AGBL4: variants seen among roughly 807,000 people sequenced by gnomAD.
AGBL4 encodes the protein cytosolic carboxypeptidase 6.
AGBL4 carries 58 observed loss-of-function variants against 66.4 expected under a neutral mutation model. The ratio of observed to expected loss-of-function variants is 0.87; its 90% CI spans 0.71 to 1.09. The LOEUF (loss-of-function observed/expected upper bound fraction) is 1.09, where lower values mean the gene tolerates loss of function less well. Ranked by LOEUF, AGBL4 falls within the 50% of genes least tolerant of loss-of-function variation. AGBL4 has a pLI of 0.00. For missense variants in AGBL4, 579 were observed against 631.0 expected, an observed-to-expected ratio of 0.92 and a Z score of 0.88; for synonymous variants, 234 against 222.9, an observed-to-expected ratio of 1.05 and a Z score of -0.44.
intron 6 of AGBL4, among the ~76,000 whole-genome samples, chr1:48,688,899 G>C (rs1401907510): frequency 6.6e-6 from 1 of 151,954 alleles, no homozygotes; most frequent in African/African-American, 2.4e-5. Flanking sequence ...CAGTTGCAGG[G>C]AGCAGGATCA....
chr1:49,516,007 G>T (rs1215324778), intron 3 of AGBL4, among the ~76,000 whole-genome samples: 1 of 150,652 alleles, frequency 6.6e-6, no homozygotes, highest in Non-Finnish European at 1.5e-5. Flanking sequence ...CCTGCACGTT[G>T]TGCACATGTA....
chr1:49,918,988 G>T (rs1651894696), intron 1 of AGBL4, among the ~76,000 whole-genome samples: 6 of 152,098 alleles, frequency 3.9e-5, no homozygotes. Flanking sequence ...AAAACCACAT[G>T]ATTATCTCAA....
chr1:48,540,897 A>T (rs2354469), intron 11 of AGBL4, among the ~76,000 whole-genome samples: 1 of 151,470 alleles, frequency 6.6e-6, no homozygotes, highest in Non-Finnish European at 1.5e-5. Flanking sequence ...TCCATTTTCT[A>T]CCGTGCAGCC....
intron 5 of AGBL4, among the ~76,000 whole-genome samples, chr1:48,905,747 G>A (rs1189455814): frequency 6.6e-6 from 1 of 152,130 alleles, no homozygotes; most frequent in Non-Finnish European, 1.5e-5. Context: ...GGTGATGAAT[G>A]TACCTTTGGT....
chr1:49,100,034 A>C (rs1217653426), intron 4 of AGBL4, among the ~76,000 whole-genome samples: 1 of 152,140 alleles, frequency 6.6e-6, no homozygotes, highest in Admixed American at 6.6e-5. Context: ...AACTGGGTAC[A>C]ACTTGAGGGA....
chr1:49,463,988 T>C (rs1009284503), intron 3 of AGBL4, among the ~76,000 whole-genome samples: 11 of 151,596 alleles, frequency 7.3e-5, no homozygotes, highest in African/African-American at 2.7e-4. Context: ...GCCTAATAGG[T>C]CCACAATAAA....
intron 1 of AGBL4, among the ~76,000 whole-genome samples, chr1:49,908,689 A>T (rs1650517560): frequency 6.6e-6 from 1 of 152,018 alleles, no homozygotes; most frequent in East Asian, 2.0e-4. Context: ...GCTACTTGGG[A>T]GGCTAATGTG....
intron 3 of AGBL4, among the ~76,000 whole-genome samples, chr1:49,283,331 T>C (rs1245835630): frequency 1.3e-5 from 2 of 152,044 alleles, no homozygotes; most frequent in Non-Finnish European, 2.9e-5. Flanking sequence ...GAAGGAAAAC[T>C]AACAAACAGA....
chr1:49,936,001 A>C (rs1653964566), intron 1 of AGBL4, among the ~76,000 whole-genome samples: 1 of 152,200 alleles, frequency 6.6e-6, no homozygotes. Context: ...GACTTTGATG[A>C]GTTGAGAGAA....
chr1:49,667,997 C>A (rs949457113), intron 3 of AGBL4, among the ~76,000 whole-genome samples: 2 of 152,046 alleles, frequency 1.3e-5, no homozygotes, highest in Non-Finnish European at 2.9e-5. Flanking sequence ...TGTGAAGATG[C>A]AATAACATAA....
chr1:49,629,772 A>G (rs778826446), intron 3 of AGBL4, among the ~76,000 whole-genome samples: 3 of 152,168 alleles, frequency 2.0e-5, no homozygotes, highest in African/African-American at 2.4e-5. Flanking sequence ...TAACAAATGT[A>G]TCTGCTATAG....
intron 3 of AGBL4, among the ~76,000 whole-genome samples, chr1:49,423,535 C>A (rs1456142580): frequency 1.3e-5 from 2 of 152,132 alleles, no homozygotes; most frequent in African/African-American, 4.8e-5. Context: ...CTAGGCCAGG[C>A]ATGGTGGCTC....
At chr1:49,110,474 A>G (rs1645384477) in intron 4 of AGBL4, among the ~76,000 whole-genome samples, 1 of 151,978 alleles carries the variant, frequency 6.6e-6, no homozygotes, top group Admixed American at 6.6e-5. Context: ...TTCCCTTACC[A>G]CCATTCTTAG....
intron 4 of AGBL4, among the ~76,000 whole-genome samples, chr1:49,120,366 C>T (rs534323654): frequency 6.6e-6 from 1 of 152,066 alleles, no homozygotes; most frequent in Admixed American, 6.6e-5. Context: ...GTAAGGCAGG[C>T]CTGTTTGTGA....
chr1:49,970,757 A>T (rs1218399673), intron 1 of AGBL4, among the ~76,000 whole-genome samples: 1 of 8,616 alleles, frequency 1.2e-4, no homozygotes, highest in Non-Finnish European at 1.2e-3. Flanking sequence ...ATACACAAAC[A>T]AAAAAAAAAA....
chr1:48,789,353 A>AT (rs1645485902), intron 6 of AGBL4, among the ~76,000 whole-genome samples: 1 of 151,518 alleles, frequency 6.6e-6, no homozygotes. Flanking sequence ...CAGTGGCCCA[A>AT]TCTCGGCTCA....
chr1:48,862,447 G>A (rs565522670), intron 6 of AGBL4, among the ~76,000 whole-genome samples: 10 of 151,970 alleles, frequency 6.6e-5, no homozygotes, highest in South Asian at 2.1e-4. Context: ...TCAGCCTCCC[G>A]AGTAGATGGG....
At chr1:48,596,453 C>T (rs1464633819) in intron 9 of AGBL4, among the ~76,000 whole-genome samples, 1 of 152,100 alleles carries the variant, frequency 6.6e-6, no homozygotes, top group Non-Finnish European at 1.5e-5. Flanking sequence ...TAAAATGTCT[C>T]CCTGTCTGTT....
At chr1:49,495,243 A>G (rs1451980951) in intron 3 of AGBL4, among the ~76,000 whole-genome samples, 4 of 152,132 alleles carry the variant, frequency 2.6e-5, no homozygotes, top group Admixed American at 6.5e-5. Context: ...TTCAACACTA[A>G]TATCTTACAA....
Sources: gnomAD v4.1 joint callset for allele counts (sites outside exome capture counted in the v4.1 genomes callset) on GRCh38, gnomAD v4.1.1 for gene constraint, MANE v1.5 for transcripts, NCBI Gene and HGNC (gene_info 2026-07-23, HGNC 2026-07-21) for gene names.